RFX7: variants seen among roughly 807,000 people sequenced by gnomAD.
RFX7 encodes the protein DNA-binding protein RFX7.
RFX7 carries 26 observed loss-of-function variants against 111.8 expected under a neutral mutation model. That is an observed-to-expected ratio of 0.23 (90% CI 0.17 to 0.32). The LOEUF is 0.32. RFX7 is among the 10% of genes least tolerant of loss of function. The pLI, the probability that RFX7 is intolerant of heterozygous loss-of-function variation, is 1.00. For synonymous variants in RFX7, 624 were observed against 624.4 expected (o/e 1.00, Z 0.01); for missense variants, 1,573 against 1,772.9 (o/e 0.89, Z 2.02).
intron 2 of RFX7, among the ~76,000 whole-genome samples, chr15:56,217,768 G>A (rs539768484): frequency 1.3e-5 from 2 of 152,264 alleles, no homozygotes; most frequent in East Asian, 3.9e-4. Flanking sequence ...ATGCATAGCT[G>A]TTATTTGGTA....
chr15:56,136,661 G>C (rs1406599868), intron 5 of RFX7, among the ~76,000 whole-genome samples: 3 of 151,822 alleles, frequency 2.0e-5, no homozygotes, highest in African/African-American at 4.8e-5. Context: ...ATGTTGAATA[G>C]GAGTGGTGAG....
At chr15:56,218,238 TCTGCCTCCCGGGTTCAAGCAATTCTC>T (rs2043386081) in intron 2 of RFX7, among the ~76,000 whole-genome samples, 1 of 124,422 alleles carries the variant, frequency 8.0e-6, no homozygotes, top group Admixed American at 1.1e-4. Flanking sequence ...CACTGCAACC[TCTGCCTCCCGGGTTCAAGCAATTCTC>T]CTGCCTCAGC....
chr15:56,095,702 T>C lies in RFX7; in HGVS notation c.2026A>G (p.Ile676Val), dbSNP rs543252425. ...ETQVPPVKKPIVEQLSAATIE... is the reference protein window; with the variant it reads ...ETQVPPVKKPVVEQLSAATIE... ...GTAGCTGCTGAAAGCTGTTCCACAA[T>C]TGGTTTCTTTACAGGAGGCACCTGG... Residue 676 changes from isoleucine to valine, a missense_variant, in exon 10 of 10, where the codon ATT becomes GTT. Coordinates refer to ENST00000559447, the MANE Select transcript of RFX7 (RefSeq NM_022841.7). The C allele has an allele frequency of 5.0e-5, 80 of 1,613,984 alleles. No individual in the cohort carries two copies. The South Asian group carries it at 6.7e-4, about 14-fold the overall frequency.
At chr15:56,239,692 G>A (rs1281214416) in intron 2 of RFX7, among the ~76,000 whole-genome samples, 2 of 152,110 alleles carry the variant, frequency 1.3e-5, no homozygotes, top group Admixed American at 6.5e-5. Flanking sequence ...TGAATTCTGG[G>A]GGATTTTGGA....
intron 2 of RFX7, among the ~76,000 whole-genome samples, chr15:56,215,758 A>T (rs2043357549): frequency 6.6e-6 from 1 of 152,218 alleles, no homozygotes; most frequent in Admixed American, 6.5e-5. Flanking sequence ...TCAAAAACTT[A>T]ATGGTTTAAA....
intron 3 of RFX7, among the ~76,000 whole-genome samples, chr15:56,156,924 C>T (rs1361204073): frequency 3.3e-5 from 5 of 152,164 alleles, no homozygotes; most frequent in African/African-American, 1.2e-4. Context: ...GACCCCACTT[C>T]CAGAGTTTCT....
intron 5 of RFX7, among the ~76,000 whole-genome samples, chr15:56,124,325 G>A (rs2042115116): frequency 6.6e-6 from 1 of 152,012 alleles, no homozygotes; most frequent in Non-Finnish European, 1.5e-5. Context: ...GGGAGGCTGA[G>A]GCAGGAGAAT....
In RFX7 at chr15:56,094,878, G is replaced by A. The variant is rs1313264740; in HGVS notation, c.2850C>T (p.Pro950=). Residue 950 remains proline (P), a synonymous_variant, in exon 10 of 10, where the codon CCC becomes CCT. Transcript: ENST00000559447. Reference sequence around the variant, plus strand: ...TTGGAGTAGGAGTGGGTGTGGGTGTGGGTGTGGGTGTGTGGATTGGAGTGC... The same window carrying A: ...TTGGAGTAGGAGTGGGTGTGGGTGTAGGTGTGGGTGTGTGGATTGGAGTGC... ...SNGTPIHTPT[P]TPTPTPTPTP... The A allele has an allele frequency of 2.9e-5, 45 of 1,556,790 alleles. No individual in the cohort carries two copies. The highest frequency in any genetic ancestry group is 5.4e-5 in the African/African-American group (4 of 73,876).
intron 2 of RFX7, among the ~76,000 whole-genome samples, chr15:56,196,268 C>CA (rs2141172013): frequency 6.6e-6 from 1 of 152,050 alleles, no homozygotes; most frequent in Admixed American, 6.6e-5. Flanking sequence ...ATAAAGTCCC[C>CA]ATGGGATCTT....
At chr15:56,204,309 G>A (rs534395785) in intron 2 of RFX7, among the ~76,000 whole-genome samples, 9 of 152,162 alleles carry the variant, frequency 5.9e-5, no homozygotes, top group African/African-American at 9.6e-5. Context: ...ATAAGCCACC[G>A]AGCCTGGCCT....
chr15:56,094,731 A>G lies in RFX7; in HGVS notation c.2997T>C (p.His999=). The G allele has an allele frequency of 6.2e-7, 1 of 1,613,908 alleles. No homozygotes were observed. The highest frequency in any genetic ancestry group is 8.5e-7 in the Non-Finnish European group (1 of 1,179,860). The part of the protein sequence containing the change: ...PVDSALGSSR[H]TPIGTPHSNC... ...TAGAATGTGGAGTACCAATGGGTGTATGTCGGCTACTTCCTAAAGCACTAT... is the reference window on the plus strand; with the variant it reads ...TAGAATGTGGAGTACCAATGGGTGTGTGTCGGCTACTTCCTAAAGCACTAT... The change falls in exon 10 of 10, where the codon CAT becomes CAC. Residue 999 remains histidine (H), a synonymous_variant. Transcript: ENST00000559447.
chr15:56,150,229 G>T (rs1025879632), intron 3 of RFX7, among the ~76,000 whole-genome samples: 2 of 152,134 alleles, frequency 1.3e-5, no homozygotes, highest in Admixed American at 1.3e-4. Context: ...CCCAGTCAGT[G>T]GCTTATAGCA....
At chr15:56,134,542 ACT>A (rs1416935585) in intron 5 of RFX7, among the ~76,000 whole-genome samples, 1 of 147,822 alleles carries the variant, frequency 6.8e-6, no homozygotes, top group African/African-American at 2.5e-5. Context: ...TATTATAAAA[ACT>A]CTCCCTTACC....
At chr15:56,122,049 T>C (rs2042085801) in intron 5 of RFX7, among the ~76,000 whole-genome samples, 1 of 152,172 alleles carries the variant, frequency 6.6e-6, no homozygotes, top group African/African-American at 2.4e-5. Flanking sequence ...GGTGAGGTCA[T>C]GTTTTTCTGA....
At chr15:56,230,236 A>C (rs1411156911) in intron 2 of RFX7, among the ~76,000 whole-genome samples, 1 of 152,228 alleles carries the variant, frequency 6.6e-6, no homozygotes, top group East Asian at 1.9e-4. Context: ...TTGTATACTC[A>C]GTCACGAAAG....
rs1330319641 is a variant in RFX7, at chr15:56,088,181, C to G, written c.*5164G>C. On this transcript the variant is annotated 3_prime_UTR_variant, in exon 10 of 10. Transcript: ENST00000559447. ...AGAATGAAAATTTCAAAGAAGCAAC[C>G]AGATCATACAACTGCAGTAGGTACA... The G allele has an allele frequency of 5.2e-6, 1 of 193,164 alleles. No individual in the cohort carries two copies. Among genetic ancestry groups the G allele is most frequent in the Non-Finnish European group, 1.1e-5 (1 of 92,060 alleles). The allele number at this position is 193,164 out of a possible 1,614,324, so 12.0% of individuals were successfully genotyped here. A position where few individuals can be genotyped will look rare whatever the true frequency, so the allele number is the denominator to read the frequency against.
intron 3 of RFX7, among the ~76,000 whole-genome samples, chr15:56,172,150 T>C (rs529218937): frequency 1.8e-4 from 28 of 152,210 alleles, no homozygotes; most frequent in African/African-American, 6.7e-4. Flanking sequence ...CATTTGGAAG[T>C]GATATTACCT....
chr15:56,243,981 A>ACGGCGCGGAGGG (rs1389923781), upstream of RFX7: 3 of 150,188 alleles, frequency 2.0e-5, no homozygotes, highest in Admixed American at 6.6e-5. Context: ...ATGGGGGCGC[A>ACGGCGCGGAGGG]CGGCGCGGAG....
chr15:56,131,360 T>G (rs1400638599), intron 5 of RFX7, among the ~76,000 whole-genome samples: 2 of 129,628 alleles, frequency 1.5e-5, no homozygotes, highest in South Asian at 5.0e-4. Flanking sequence ...CTCCACCTCC[T>G]GAGCTCAAGC....
Sources: gnomAD v4.1 joint callset for allele counts (sites outside exome capture counted in the v4.1 genomes callset) on GRCh38, gnomAD v4.1.1 for gene constraint, MANE v1.5 for transcripts, NCBI Gene and HGNC (gene_info 2026-07-23, HGNC 2026-07-21) for gene names.